The following FHIP1A variants were observed in gnomAD, a reference collection of about 807,000 sequenced individuals.
FHIP1A encodes the protein FHF complex subunit HOOK-interacting protein 1A.
In FHIP1A, 61 loss-of-function variants were observed where a neutral mutation model predicts 88.6. The observed-to-expected ratio is 0.69, with a 90% CI of 0.56 to 0.85. The LOEUF is 0.85. Among genes scored for constraint, FHIP1A ranks in the 40% least tolerant of loss-of-function variants. The probability of loss-of-function intolerance (pLI) is 0.00; values close to 1 mark genes in which losing one functional copy is unlikely to be tolerated. For missense variants in FHIP1A, 1,154 were observed against 1,273.5 expected, an observed-to-expected ratio of 0.91 and a Z score of 1.43; for synonymous variants, 478 against 496.0, an observed-to-expected ratio of 0.96 and a Z score of 0.48.
At chr4:151,473,310 TTATC>T (rs2126621321) in intron 2 of FHIP1A, among the ~76,000 whole-genome samples, 1 of 152,286 alleles carries the variant, frequency 6.6e-6, no homozygotes, top group East Asian at 1.9e-4. Context: ...TTCTCAATGC[TTATC>T]TTTTTTTTAA....
chr4:151,414,442 A>G (rs920243958), intron 1 of FHIP1A, among the ~76,000 whole-genome samples: 1 of 152,208 alleles, frequency 6.6e-6, no homozygotes, highest in Non-Finnish European at 1.5e-5. Flanking sequence ...CATTTTGAAA[A>G]TGCTTCAAAT....
At chr4:151,459,451 T>C (rs1729075710) in intron 2 of FHIP1A, among the ~76,000 whole-genome samples, 1 of 152,136 alleles carries the variant, frequency 6.6e-6, no homozygotes, top group Non-Finnish European at 1.5e-5. Flanking sequence ...GTTAACTGTT[T>C]CATGGTTTAA....
At chr4:151,464,227 ATTG>A (rs1222360956) in intron 2 of FHIP1A, among the ~76,000 whole-genome samples, 2 of 152,172 alleles carry the variant, frequency 1.3e-5, no homozygotes, top group Admixed American at 6.5e-5. Context: ...TTAGCCAGTG[ATTG>A]TTGTATTATA....
chr4:151,434,418 T>C (rs1733725081), intron 1 of FHIP1A, among the ~76,000 whole-genome samples: 1 of 152,210 alleles, frequency 6.6e-6, no homozygotes, highest in Admixed American at 6.5e-5. Flanking sequence ...TACATATTTT[T>C]TCTTTTCTAT....
rs1730124046 is a variant in FHIP1A, at chr4:151,487,322, C to CT, written c.-123+4682dup. On this transcript the variant is annotated intron_variant, in intron 3 of 13. Transcript: ENST00000435205. Reference sequence around the variant, plus strand: ...TGTGAGTCTTCCTCTTCTTTTCAGTCTTTTTTTTCTCTGTTCATCCCTTGG... The same window carrying CT: ...TGTGAGTCTTCCTCTTCTTTTCAGTCTTTTTTTTTCTCTGTTCATCCCTTGG... Among the ~76,000 whole-genome samples the CT allele has an allele frequency of 3.9e-5, 6 of 151,938 alleles. No individual in the cohort carries two copies. The South Asian group carries it at 1.0e-3, about 26-fold the overall frequency.
intron 3 of FHIP1A, among the ~76,000 whole-genome samples, chr4:151,504,285 T>C (rs906451121): frequency 6.6e-6 from 1 of 152,206 alleles, no homozygotes; most frequent in Non-Finnish European, 1.5e-5. Context: ...ACACTGAGAT[T>C]TTTTTTCCTC....
Position 151,518,005 on chromosome 4 carries a change from G to A in FHIP1A, c.-123+35357G>A, listed in dbSNP as rs548017648. 3.9e-5 allele frequency among the ~76,000 whole-genome samples: 6 copies of A among 152,212 alleles called. No homozygotes were observed. In the South Asian group the frequency reaches 1.2e-3, roughly 32 times the overall value. On this transcript the variant is annotated intron_variant, in intron 3 of 13. Coordinates refer to ENST00000435205, the MANE Select transcript of FHIP1A (RefSeq NM_001109977.3). ...TTATTGAAGAAAGAAAATATTTTAA[G>A]AATAAATTTAGTGTAGCCTAGATGT...
At chr4:151,587,810 A>G (rs1363131687) in intron 6 of FHIP1A, among the ~76,000 whole-genome samples, 3 of 152,104 alleles carry the variant, frequency 2.0e-5, no homozygotes, top group African/African-American at 4.8e-5. Context: ...TTATTTATAT[A>G]TAAGAAAAAT....
intron 1 of FHIP1A, among the ~76,000 whole-genome samples, chr4:151,448,502 T>G (rs1420005875): frequency 3.3e-5 from 5 of 152,160 alleles, no homozygotes; most frequent in Non-Finnish European, 7.4e-5. Context: ...GCAACCACAA[T>G]TCTACTTCTC....
At chr4:151,413,882 G>A (rs11099813) in intron 1 of FHIP1A, among the ~76,000 whole-genome samples, 17,422 of 152,156 alleles carry the variant, frequency 0.11, 1,057 homozygotes, top group African/African-American at 0.13. Flanking sequence ...TTGAGGTGTA[G>A]GAGTTTAAAT....
At chr4:151,436,860 G>A (rs1248878781) in intron 1 of FHIP1A, among the ~76,000 whole-genome samples, 1 of 152,070 alleles carries the variant, frequency 6.6e-6, no homozygotes. Flanking sequence ...TCAAGCCCCT[G>A]ATATAAAATG....
chr4:151,500,058 C>G (rs542887134), intron 3 of FHIP1A, among the ~76,000 whole-genome samples: 1 of 152,280 alleles, frequency 6.6e-6, no homozygotes, highest in African/African-American at 2.4e-5. Context: ...GCAGACCCTG[C>G]TACTGTTTAT....
chr4:151,602,885 A>G (rs1178694573), intron 7 of FHIP1A, among the ~76,000 whole-genome samples: 1 of 152,170 alleles, frequency 6.6e-6, no homozygotes, highest in Non-Finnish European at 1.5e-5. Flanking sequence ...GATTTAAGAG[A>G]TAAGGGATTG....
intron 3 of FHIP1A, among the ~76,000 whole-genome samples, chr4:151,513,636 A>C (rs1228061458): frequency 6.6e-6 from 1 of 152,138 alleles, no homozygotes; most frequent in African/African-American, 2.4e-5. Context: ...AAACAAAAAA[A>C]GGCAGGGGTT....
rs140834115 is a variant in FHIP1A, at chr4:151,507,632, A to G, written c.-123+24984A>G. Reference sequence around the variant, plus strand: ...TTAGATGCATATTGTATGTTATAGGATATGCTTTCTTGGCTATTAAGTGAA... The same window carrying G: ...TTAGATGCATATTGTATGTTATAGGGTATGCTTTCTTGGCTATTAAGTGAA... On this transcript the variant is annotated intron_variant, in intron 3 of 13. Coordinates refer to ENST00000435205, the MANE Select transcript of FHIP1A (RefSeq NM_001109977.3). Among the ~76,000 whole-genome samples, 92 of 152,280 alleles carry G rather than the reference A, an allele frequency of 6.0e-4. No homozygotes were observed. In the East Asian group the frequency reaches 0.016, roughly 27 times the overall value.
chr4:151,476,161 A>ATT (rs564671344), intron 2 of FHIP1A, among the ~76,000 whole-genome samples: 33,997 of 111,350 alleles, frequency 0.31, 6,855 homozygotes, highest in Non-Finnish European at 0.42. Flanking sequence ...TGCTCGGCCG[A>ATT]TTTTTTTTTT....
chr4:151,659,756 C>T lies in FHIP1A; in HGVS notation c.2870-2745C>T, dbSNP rs536168932. On this transcript the variant is annotated intron_variant, in intron 13 of 13. Coordinates refer to ENST00000435205, the MANE Select transcript of FHIP1A (RefSeq NM_001109977.3). ...CCAGAGCTGCTCCATTATGCAGGCC[C>T]TGCATTCCCTTCACCTCCTGGCAGC... 2.0e-5 allele frequency among the ~76,000 whole-genome samples: 3 copies of T among 152,318 alleles called. No homozygotes were observed. The South Asian group carries it at 6.2e-4, about 32-fold the overall frequency.
intron 1 of FHIP1A, among the ~76,000 whole-genome samples, chr4:151,437,029 G>A (rs772109182): frequency 6.6e-6 from 1 of 152,098 alleles, no homozygotes; most frequent in Non-Finnish European, 1.5e-5. Flanking sequence ...CATATGTTCA[G>A]TACAGACATG....
At chr4:151,530,584 A>C (rs920705464) in intron 3 of FHIP1A, among the ~76,000 whole-genome samples, 1 of 152,210 alleles carries the variant, frequency 6.6e-6, no homozygotes, top group Non-Finnish European at 1.5e-5. Context: ...CTAGTGGTTC[A>C]ACATTCAACT....
Sources: allele counts gnomAD v4.1 joint callset (sites outside exome capture counted in the v4.1 genomes callset), GRCh38; gene constraint gnomAD v4.1.1; transcripts MANE v1.5; gene names NCBI Gene and HGNC (gene_info 2026-07-23, HGNC 2026-07-21).